The following PKHD1 variants were observed in gnomAD, a reference collection of about 807,000 sequenced individuals.
The protein encoded by PKHD1 is PKHD1 ciliary IPT domain containing fibrocystin/polyductin.
In PKHD1, 291 loss-of-function variants were observed where a neutral mutation model predicts 412.0. The ratio of observed to expected loss-of-function variants is 0.71; its 90% confidence interval spans 0.64 to 0.78. The LOEUF (loss-of-function observed/expected upper bound fraction) is 0.78. Ranked by LOEUF, PKHD1 falls within the 30% of genes least tolerant of loss-of-function variation. The pLI is 0.00. For missense variants in PKHD1, 4,825 were observed against 4,950.7 expected, an observed-to-expected ratio of 0.97 and a Z score of 0.76; for synonymous variants, 1,777 against 1,821.5, an observed-to-expected ratio of 0.98 and a Z score of 0.62.
chr6:51,858,726 T>A (rs937504320), intron 48 of PKHD1, among the ~76,000 whole-genome samples: 6 of 152,210 alleles, frequency 3.9e-5, no homozygotes, highest in African/African-American at 1.4e-4. Flanking sequence ...GTGCCTTTCA[T>A]ATAGTGGGAG....
At chr6:52,033,843 T>A (rs1434764369) in intron 28 of PKHD1, among the ~76,000 whole-genome samples, 1 of 152,066 alleles carries the variant, frequency 6.6e-6, no homozygotes, top group African/African-American at 2.4e-5. Context: ...AAGAAAGACA[T>A]GTTAGCCAGG....
Position 51,934,204 on chromosome 6 carries a change from A to C in PKHD1, c.6027T>G (p.Ala2009=). 6.2e-7 allele frequency: 1 copy of C among 1,613,924 alleles called. No homozygotes were observed. The highest frequency in any genetic ancestry group is 8.5e-7 in the Non-Finnish European group (1 of 1,179,830). ...GSEDKPFQGR[A]QITLYGSSYS... ...AGGAACTCCCGTAGAGTGTGATCTGAGCTCTGCCTTGGAAGGGCTTGTCTT... is the reference window on the plus strand; with the variant it reads ...AGGAACTCCCGTAGAGTGTGATCTGCGCTCTGCCTTGGAAGGGCTTGTCTT... The change falls in exon 37 of 67, where the codon GCT becomes GCG. Residue 2009 remains alanine (A), a synonymous_variant. Coordinates refer to ENST00000371117, the MANE Select transcript of PKHD1 (RefSeq NM_138694.4).
chr6:51,805,325 G>A (rs1047413076), intron 52 of PKHD1, among the ~76,000 whole-genome samples: 7 of 150,326 alleles, frequency 4.7e-5, no homozygotes, highest in African/African-American at 1.2e-4. Flanking sequence ...GGAGGTAAGC[G>A]TTGGGTACAC....
intron 41 of PKHD1, 91 bp downstream of exon 41, chr6:51,906,124 A>C: frequency 9.3e-7 from 1 of 1,071,104 alleles, no homozygotes; most frequent in South Asian, 1.3e-5. Context: ...ATATTTTTAT[A>C]AATTAGGAAT....
At chr6:52,067,995 G>A (rs556125144) in intron 11 of PKHD1, among the ~76,000 whole-genome samples, 1 of 152,288 alleles carries the variant, frequency 6.6e-6, no homozygotes, top group East Asian at 1.9e-4. Context: ...TCCAGAAATG[G>A]AGAGTTGCTG....
chr6:52,016,210 T>A (rs1437187690), intron 34 of PKHD1, among the ~76,000 whole-genome samples: 1 of 152,214 alleles, frequency 6.6e-6, no homozygotes, highest in East Asian at 1.9e-4. Flanking sequence ...TTCCTCCAGC[T>A]AAACCTAAAC....
At chr6:52,086,861 T>C (rs1467083065) in intron 1 of PKHD1, among the ~76,000 whole-genome samples, 1 of 152,184 alleles carries the variant, frequency 6.6e-6, no homozygotes, top group Non-Finnish European at 1.5e-5. Flanking sequence ...ATCTACCACA[T>C]AGGGAAAAGT....
intron 52 of PKHD1, among the ~76,000 whole-genome samples, chr6:51,825,999 T>C (rs1233105876): frequency 1.2e-4 from 18 of 152,170 alleles, no homozygotes. Context: ...ACATCTCTGC[T>C]ATAATTCAGT....
chr6:52,077,353 G>T (rs544760724), intron 5 of PKHD1, among the ~76,000 whole-genome samples: 36 of 152,182 alleles, frequency 2.4e-4, no homozygotes, highest in African/African-American at 8.7e-4. Flanking sequence ...CCAGACCAAG[G>T]CTTGACCTGT....
At chr6:51,999,842 T>C (rs1306199723) in intron 35 of PKHD1, among the ~76,000 whole-genome samples, 1 of 152,156 alleles carries the variant, frequency 6.6e-6, no homozygotes, top group African/African-American at 2.4e-5. Context: ...CAAACACTGA[T>C]GAAATTCATA....
chr6:51,633,699 T>C (rs552154690), intron 64 of PKHD1, among the ~76,000 whole-genome samples: 1 of 152,182 alleles, frequency 6.6e-6, no homozygotes, highest in African/African-American at 2.4e-5. Context: ...GACAAAACTA[T>C]AGAGTTAAAG....
intron 5 of PKHD1, among the ~76,000 whole-genome samples, chr6:52,078,698 G>A (rs562542748): frequency 2.0e-5 from 3 of 152,076 alleles, no homozygotes; most frequent in East Asian, 3.9e-4. Context: ...TCCCCCTCTC[G>A]CTCCTAACCA....
chr6:51,744,244 T>C, intron 60 of PKHD1, 141 bp downstream of exon 60: 2 of 776,026 alleles, frequency 2.6e-6, no homozygotes, highest in Admixed American at 1.7e-5. Context: ...TACAGGTGAA[T>C]TGGCAGCAGA....
Position 51,715,096 on chromosome 6 carries a change from G to A in PKHD1, c.10156+29289C>T, listed in dbSNP as rs138297183. 3.2e-4 allele frequency among the ~76,000 whole-genome samples: 49 copies of A among 152,124 alleles called. No individual in the cohort carries two copies. The East Asian group carries it at 4.6e-3, about 14-fold the overall frequency. ...TCTCCATCCTTCCTAACCCCATGAC[G>A]GAACACAGAAGAGCCTCTACCAAAG... is the stretch of plus-strand genomic sequence containing the variant. On this transcript the variant is annotated intron_variant, in intron 60 of 66. Coordinates refer to ENST00000371117, the MANE Select transcript of PKHD1 (RefSeq NM_138694.4).
intron 45 of PKHD1, among the ~76,000 whole-genome samples, chr6:51,884,807 A>T (rs549387659): frequency 1.1e-3 from 170 of 152,302 alleles, no homozygotes; most frequent in African/African-American, 4.0e-3. Context: ...GGTATAAATC[A>T]CTTCTCTGCA....
intron 60 of PKHD1, among the ~76,000 whole-genome samples, chr6:51,724,752 G>C (rs1296370683): frequency 6.6e-6 from 1 of 152,192 alleles, no homozygotes; most frequent in Non-Finnish European, 1.5e-5. Flanking sequence ...TGAGTGAGGA[G>C]TGTATCATGG....
chr6:51,739,221 TTA>T (rs1183484649), intron 60 of PKHD1, among the ~76,000 whole-genome samples: 1 of 150,380 alleles, frequency 6.6e-6, no homozygotes, highest in African/African-American at 2.4e-5. Context: ...TGTACATGTA[TTA>T]TATATATAAT....
chr6:51,904,071 T>C, intron 41 of PKHD1, 29 bp from the exon 42 acceptor site: 1 of 1,458,598 alleles, frequency 6.9e-7, no homozygotes. Context: ...ATTACTTGAG[T>C]ATATTTTATG....
At chr6:51,673,589 G>C (rs1343746428) in intron 60 of PKHD1, among the ~76,000 whole-genome samples, 1 of 152,210 alleles carries the variant, frequency 6.6e-6, no homozygotes, top group Non-Finnish European at 1.5e-5. Flanking sequence ...GAAAGAGTTA[G>C]GATGAAGAAG....
Sources: allele counts gnomAD v4.1 joint callset (sites outside exome capture counted in the v4.1 genomes callset), GRCh38; gene constraint gnomAD v4.1.1; transcripts MANE v1.5; gene names NCBI Gene and HGNC (gene_info 2026-07-23, HGNC 2026-07-21).